The following ARMC9 variants were observed in gnomAD, a reference collection of about 807,000 sequenced individuals.
ARMC9 encodes armadillo repeat containing 9.
A neutral mutation model predicts 107.0 loss-of-function variants in ARMC9; 94 were observed. The ratio of observed to expected loss-of-function variants is 0.88; its 90% CI spans 0.74 to 1.04. ARMC9 has a LOEUF of 1.04. Ranked by LOEUF, ARMC9 falls within the 50% of genes least tolerant of loss-of-function variation. ARMC9 has a pLI of 0.00. For missense variants in ARMC9, 942 were observed against 1,030.1 expected, an observed-to-expected ratio of 0.91 and a Z score of 1.17; for synonymous variants, 380 against 396.9, an observed-to-expected ratio of 0.96 and a Z score of 0.51.
At chr2:231,225,225 A>G (rs1453685269) in intron 6 of ARMC9, among the ~76,000 whole-genome samples, 1 of 152,236 alleles carries the variant, frequency 6.6e-6, no homozygotes, top group Non-Finnish European at 1.5e-5. Context: ...TATCAAAGGA[A>G]GAGAACATCT....
At chr2:231,332,063 C>A (rs2043778604) in intron 20 of ARMC9, among the ~76,000 whole-genome samples, 166 bp downstream of exon 20, 1 of 152,178 alleles carries the variant, frequency 6.6e-6, no homozygotes, top group South Asian at 2.1e-4. Context: ...CTGAAATGCA[C>A]TGTGGCCCTA....
intron 19 of ARMC9, among the ~76,000 whole-genome samples, chr2:231,316,875 G>A (rs951191977): frequency 2.6e-5 from 4 of 152,092 alleles, no homozygotes; most frequent in African/African-American, 9.7e-5. Context: ...CAATTCTCAT[G>A]CCTCAGCCTC....
rs185507286 is a variant in ARMC9, at chr2:231,249,679, G to A, written c.880-6907G>A. On this transcript the variant is annotated intron_variant, in intron 9 of 24. Transcript: ENST00000611582. ...GAGAACCTAGAAGGGAGCCTGGCAC[G>A]GGGCAAGTGCTCAGTGAATAATTGA... Among the ~76,000 whole-genome samples, 671 of 152,264 alleles carry A rather than the reference G, an allele frequency of 4.4e-3. 4 individuals are homozygous for A. The highest frequency in any genetic ancestry group is 7.8e-3 in the Non-Finnish European group (533 of 68,018).
chr2:231,226,965 T>C lies in ARMC9; in HGVS notation c.622+167T>C, dbSNP rs116022395. 5.3e-3 allele frequency among the ~76,000 whole-genome samples: 810 copies of C among 152,150 alleles called. 12 individuals are homozygous for C. The highest frequency in any genetic ancestry group is 0.019 in the African/African-American group (778 of 41,508). On this transcript the variant is annotated intron_variant, in intron 7 of 24. Transcript: ENST00000611582. ...TGACCTGCAGTTCCTTGAGGCCCATTTTCGGGAGGGCTGGTATTGTTAGCT... is the reference window on the plus strand; with the variant it reads ...TGACCTGCAGTTCCTTGAGGCCCATCTTCGGGAGGGCTGGTATTGTTAGCT...
chr2:231,296,102 A>C, intron 18 of ARMC9, 96 bp from the exon 19 acceptor site: 1 of 839,208 alleles, frequency 1.2e-6, no homozygotes, highest in Non-Finnish European at 1.9e-6. Context: ...CCTCATTCTC[A>C]TTAAGGTGTT....
intron 9 of ARMC9, chr2:231,256,215 GATCC>G: frequency 1.3e-6 from 2 of 1,533,390 alleles, no homozygotes; most frequent in Non-Finnish European, 1.8e-6. Flanking sequence ...GACACGAGCC[GATCC>G]ATCATCCGCA....
chr2:231,199,268 C>T (rs1352172997), intron 1 of ARMC9, among the ~76,000 whole-genome samples: 1 of 152,192 alleles, frequency 6.6e-6, no homozygotes, highest in Admixed American at 6.5e-5. Context: ...TCTTAGTTTC[C>T]GCATAAAGGA....
intron 7 of ARMC9, among the ~76,000 whole-genome samples, chr2:231,227,774 C>A (rs2034787523): frequency 6.6e-6 from 1 of 152,234 alleles, no homozygotes; most frequent in Non-Finnish European, 1.5e-5. Flanking sequence ...CAGCGTCAGC[C>A]TTTGAGAAGG....
chr2:231,236,297 T>G lies in ARMC9; in HGVS notation c.780+916T>G, dbSNP rs141272459. Reference sequence around the variant, plus strand: ...GTTCTAGATTGACAGTCATGTTACATCAAATAATATTTGTGTTTTGCTTTT... The same window carrying G: ...GTTCTAGATTGACAGTCATGTTACAGCAAATAATATTTGTGTTTTGCTTTT... On this transcript the variant is annotated intron_variant, in intron 8 of 24. Transcript: ENST00000611582. Among the ~76,000 whole-genome samples, 1,206 of 152,370 alleles carry G rather than the reference T, an allele frequency of 7.9e-3. 4 individuals are homozygous for G. Among genetic ancestry groups the G allele is most frequent in the Non-Finnish European group, 0.013 (865 of 68,034 alleles).
At chr2:231,299,061 A>G (rs2041559310) in intron 19 of ARMC9, among the ~76,000 whole-genome samples, 1 of 151,990 alleles carries the variant, frequency 6.6e-6, no homozygotes, top group African/African-American at 2.4e-5. Context: ...TTCACTGGAA[A>G]CTCTCAAGAG....
At chr2:231,238,078 G>C (rs1404741674) in intron 8 of ARMC9, among the ~76,000 whole-genome samples, 1 of 151,828 alleles carries the variant, frequency 6.6e-6, no homozygotes, top group Non-Finnish European at 1.5e-5. Context: ...GAGGAACGCA[G>C]GTGGAAAGTT....
At chr2:231,254,349 A>G (rs1402961981) in intron 9 of ARMC9, among the ~76,000 whole-genome samples, 1 of 152,192 alleles carries the variant, frequency 6.6e-6, no homozygotes, top group African/African-American at 2.4e-5. Flanking sequence ...AGTTTAAGAA[A>G]GTAAACTCTT....
At chr2:231,227,506 T>C (rs1324981707) in intron 7 of ARMC9, among the ~76,000 whole-genome samples, 1 of 152,134 alleles carries the variant, frequency 6.6e-6, no homozygotes, top group African/African-American at 2.4e-5. Flanking sequence ...GTAGGTGGAG[T>C]GTGACTACAG....
chr2:231,357,722 C>T lies in ARMC9; in HGVS notation c.2131+1788C>T, dbSNP rs113337696. Among the ~76,000 whole-genome samples the T allele has an allele frequency of 4.8e-3, 725 of 152,204 alleles. 5 individuals carry two copies. Among genetic ancestry groups the T allele is most frequent in the African/African-American group, 0.016 (661 of 41,524 alleles). ...TGAGTAGCTGGCACTACAGATGCAC[C>T]ACCATACCAGGCAAAGTGGTTTTCT... On this transcript the variant is annotated intron_variant, in intron 22 of 24. Coordinates refer to ENST00000611582, the MANE Select transcript of ARMC9 (RefSeq NM_001352754.2).
rs185573188 is a variant in ARMC9, at chr2:231,264,872, C to T, written c.1119+2474C>T. ...CTATAATTGCAGCACTTTGGTAGGC[C>T]GAGGCGGGTGGATCAGGAGGTTAGG... On this transcript the variant is annotated intron_variant, in intron 12 of 24. Transcript: ENST00000611582. 1.7e-4 allele frequency among the ~76,000 whole-genome samples: 26 copies of T among 151,986 alleles called. No homozygotes were observed. In the East Asian group the frequency reaches 2.7e-3, roughly 16 times the overall value.
intron 9 of ARMC9, among the ~76,000 whole-genome samples, chr2:231,242,955 A>G (rs544020696): frequency 4.9e-4 from 75 of 152,162 alleles, no homozygotes; most frequent in African/African-American, 1.7e-3. Context: ...CACAAAAAAT[A>G]CAAAAATTAG....
intron 9 of ARMC9, among the ~76,000 whole-genome samples, chr2:231,245,705 A>G (rs2036699026): frequency 6.6e-6 from 1 of 152,162 alleles, no homozygotes; most frequent in South Asian, 2.1e-4. Flanking sequence ...TAATTTGAGA[A>G]CGGCATTCCT....
chr2:231,316,408 C>G (rs1285898475), intron 19 of ARMC9, among the ~76,000 whole-genome samples: 2 of 151,958 alleles, frequency 1.3e-5, no homozygotes, highest in Non-Finnish European at 2.9e-5. Context: ...TGCCTGTAAT[C>G]CCAGCACCTT....
chr2:231,217,345 A>T (rs1328420037), intron 5 of ARMC9, among the ~76,000 whole-genome samples: 1 of 152,170 alleles, frequency 6.6e-6, no homozygotes, highest in Admixed American at 6.5e-5. Flanking sequence ...GCACTTTGGG[A>T]GGCCGAGGTG....
Sources: allele counts gnomAD v4.1 joint callset (sites outside exome capture counted in the v4.1 genomes callset), GRCh38; gene constraint gnomAD v4.1.1; transcripts MANE v1.5; gene names NCBI Gene and HGNC (gene_info 2026-07-23, HGNC 2026-07-21).